Variants in XKR4 observed in about 807,000 individuals in gnomAD.
The protein encoded by XKR4 is XK-related protein 4.
In XKR4, 12 loss-of-function variants were observed where a neutral mutation model predicts 53.9. The observed-to-expected ratio is 0.22, with a 90% CI of 0.14 to 0.36. The LOEUF is 0.36. Among genes scored for constraint, XKR4 ranks in the 10% least tolerant of loss-of-function variants. The pLI, the probability that XKR4 is intolerant of heterozygous loss-of-function variation, is 1.00. For missense variants in XKR4, 799 were observed against 859.5 expected (o/e 0.93, Z 0.88); for synonymous variants, 354 against 362.4 (o/e 0.98, Z 0.26).
At position 55,153,598 on chromosome 8, in the gene XKR4, G is replaced by A. The variant is rs543781346; in HGVS notation, c.806+50304G>A. 5.3e-4 allele frequency among the ~76,000 whole-genome samples: 80 copies of A among 152,324 alleles called. 1 individual carries two copies. The South Asian group carries it at 0.011, about 21-fold the overall frequency. On this transcript the variant is annotated intron_variant, in intron 1 of 2. Transcript: ENST00000327381. ...CATGTTTCTTCATACTTTATGATAC[G>A]TGATGAACCCTGAGAATATGCCTTA...
chr8:55,487,316 T>C (rs993847541), intron 2 of XKR4, among the ~76,000 whole-genome samples: 3 of 152,196 alleles, frequency 2.0e-5, no homozygotes, highest in Non-Finnish European at 2.9e-5. Context: ...TTGTTCTCTA[T>C]GAGCCCACAG....
intron 1 of XKR4, among the ~76,000 whole-genome samples, chr8:55,249,350 A>G (rs2129369456): frequency 6.6e-6 from 1 of 152,308 alleles, no homozygotes; most frequent in Non-Finnish European, 1.5e-5. Context: ...GTTTAGCAAC[A>G]TCAGTCTCCT....
chr8:55,501,410 C>G (rs2658935), intron 2 of XKR4, among the ~76,000 whole-genome samples: 1 of 151,866 alleles, frequency 6.6e-6, no homozygotes, highest in African/African-American at 2.4e-5. Context: ...AGAAATGTTT[C>G]GTCTTCCCAA....
chr8:55,132,599 T>C (rs1816572402), intron 1 of XKR4, among the ~76,000 whole-genome samples: 1 of 152,192 alleles, frequency 6.6e-6, no homozygotes, highest in Admixed American at 6.5e-5. Context: ...ACCGAAGATA[T>C]GGAGAGACTA....
At chr8:55,470,646 C>G (rs891130266) in intron 2 of XKR4, among the ~76,000 whole-genome samples, 1 of 152,106 alleles carries the variant, frequency 6.6e-6, no homozygotes, top group Admixed American at 6.5e-5. Flanking sequence ...TTTTTTAAAG[C>G]AAGGCAAGCC....
chr8:55,371,328 C>G (rs1804067401), intron 2 of XKR4, among the ~76,000 whole-genome samples: 1 of 151,960 alleles, frequency 6.6e-6, no homozygotes, highest in Admixed American at 6.6e-5. Context: ...TCAGTCTCCA[C>G]AAAGCAATGG....
chr8:55,449,872 G>A, intron 2 of XKR4: 2 of 939,492 alleles, frequency 2.1e-6, no homozygotes, highest in Non-Finnish European at 3.5e-6. Flanking sequence ...GGCTGTAAGG[G>A]TGCTGGTGCT....
At chr8:55,351,155 G>T (rs564919774) in intron 1 of XKR4, among the ~76,000 whole-genome samples, 3 of 151,884 alleles carry the variant, frequency 2.0e-5, no homozygotes, top group African/African-American at 7.3e-5. Context: ...TAATTAGGAC[G>T]GTAAATTTTA....
At chr8:55,368,457 T>G (rs997778905) in intron 2 of XKR4, among the ~76,000 whole-genome samples, 3 of 152,170 alleles carry the variant, frequency 2.0e-5, no homozygotes, top group Non-Finnish European at 2.9e-5. Flanking sequence ...AGGCCCTGGC[T>G]GCTGCCCCAT....
intron 2 of XKR4, among the ~76,000 whole-genome samples, chr8:55,364,660 T>A (rs185894631): frequency 2.1e-3 from 314 of 152,218 alleles, no homozygotes; most frequent in Non-Finnish European, 4.0e-3. Flanking sequence ...TGAGACAGAG[T>A]CTTGCTCTGT....
At chr8:55,164,138 C>G in intron 1 of XKR4, 1 of 455,270 alleles carries the variant, frequency 2.2e-6, no homozygotes, top group Non-Finnish European at 4.4e-6. Context: ...CAGACCAGCC[C>G]TACAGGAGTT....
chr8:55,142,476 C>G (rs533478724), intron 1 of XKR4: 5 of 166,682 alleles, frequency 3.0e-5, no homozygotes, highest in Admixed American at 1.8e-4. Context: ...CACATGCAGG[C>G]CAAGAACATG....
chr8:55,288,447 G>T (rs1045233736), intron 1 of XKR4, among the ~76,000 whole-genome samples: 1 of 152,088 alleles, frequency 6.6e-6, no homozygotes, highest in Admixed American at 6.5e-5. Flanking sequence ...TTCTACAATG[G>T]CTCCTGAAAG....
At chr8:55,387,920 G>A (rs1182463999) in intron 2 of XKR4, among the ~76,000 whole-genome samples, 1 of 152,206 alleles carries the variant, frequency 6.6e-6, no homozygotes, top group Non-Finnish European at 1.5e-5. Flanking sequence ...GATATGAGCA[G>A]GTCGTGACTT....
intron 2 of XKR4, among the ~76,000 whole-genome samples, chr8:55,411,694 A>G (rs1403671027): frequency 6.6e-6 from 1 of 152,160 alleles, no homozygotes; most frequent in Non-Finnish European, 1.5e-5. Flanking sequence ...CTCCCCTGAC[A>G]ATCAGCGTCT....
intron 1 of XKR4, among the ~76,000 whole-genome samples, chr8:55,235,433 C>T (rs1463718572): frequency 2.0e-5 from 3 of 152,242 alleles, no homozygotes; most frequent in South Asian, 2.1e-4. Flanking sequence ...ATATCTGCCT[C>T]GTAGGTTGTT....
At chr8:55,445,671 G>A (rs546121765) in intron 2 of XKR4, among the ~76,000 whole-genome samples, 1 of 151,976 alleles carries the variant, frequency 6.6e-6, no homozygotes, top group African/African-American at 2.4e-5. Flanking sequence ...ATTAGGGTGG[G>A]ATCCTTCCCA....
chr8:55,308,793 A>T (rs1819347439), intron 1 of XKR4, among the ~76,000 whole-genome samples: 1 of 152,208 alleles, frequency 6.6e-6, no homozygotes, highest in South Asian at 2.1e-4. Flanking sequence ...CCTCTCAAAG[A>T]TGTCCACATC....
chr8:55,460,388 C>A (rs1805636704), intron 2 of XKR4, among the ~76,000 whole-genome samples: 2 of 152,138 alleles, frequency 1.3e-5, no homozygotes, highest in African/African-American at 4.8e-5. Context: ...AATCATTGAA[C>A]CATATGCTTA....
Sources: allele counts gnomAD v4.1 joint callset (sites outside exome capture counted in the v4.1 genomes callset), GRCh38; gene constraint gnomAD v4.1.1; transcripts MANE v1.5; gene names NCBI Gene and HGNC (gene_info 2026-07-23, HGNC 2026-07-21).